Variants in MRC1 observed in about 807,000 individuals in gnomAD.
The protein encoded by MRC1 is mannose receptor C-type 1, also known as macrophage mannose receptor 1.
In MRC1, 62 loss-of-function variants were observed where a neutral mutation model predicts 102.9. That is an observed-to-expected ratio of 0.60 (90% CI 0.49 to 0.74). The LOEUF is 0.74. Among genes scored for constraint, MRC1 ranks in the 30% least tolerant of loss-of-function variants. The pLI, the probability that MRC1 is intolerant of heterozygous loss-of-function variation, is 0.00. For synonymous variants in MRC1, 457 were observed against 298.4 expected, an observed-to-expected ratio of 1.53 and a Z score of -5.48; for missense variants, 1,237 against 862.8, an observed-to-expected ratio of 1.43 and a Z score of -5.43.
chr10:17,885,824 A>G (rs1275843605), intron 22 of MRC1, among the ~76,000 whole-genome samples: 1 of 98,660 alleles, frequency 1.0e-5, no homozygotes, highest in African/African-American at 2.8e-5. Flanking sequence ...ATCATCATCC[A>G]TCATGATCAT....
chr10:17,867,559 G>A (rs1415010143), intron 12 of MRC1, among the ~76,000 whole-genome samples: 1 of 151,860 alleles, frequency 6.6e-6, no homozygotes, highest in African/African-American at 2.4e-5. Flanking sequence ...AGTAGCTACA[G>A]ATATGCACCA....
intron 1 of MRC1, among the ~76,000 whole-genome samples, chr10:17,811,719 G>A (rs940078587): frequency 6.6e-6 from 1 of 151,958 alleles, no homozygotes; most frequent in South Asian, 2.1e-4. Context: ...TTGGGCTTGA[G>A]CCACTATGCC....
intron 1 of MRC1, among the ~76,000 whole-genome samples, chr10:17,820,505 C>T (rs550186249): frequency 2.9e-4 from 44 of 152,184 alleles, no homozygotes; most frequent in Middle Eastern, 3.4e-3. Flanking sequence ...TTTTTGAACG[C>T]CTTCTCTTAA....
At chr10:17,834,843 C>G (rs2130615214) in intron 4 of MRC1, among the ~76,000 whole-genome samples, 1 of 152,292 alleles carries the variant, frequency 6.6e-6, no homozygotes, top group East Asian at 1.9e-4. Context: ...AGATTAGGAT[C>G]AGAAATTAGT....
At chr10:17,837,286 A>T (rs994878218) in intron 4 of MRC1, among the ~76,000 whole-genome samples, 1 of 152,350 alleles carries the variant, frequency 6.6e-6, no homozygotes, top group South Asian at 2.1e-4. Context: ...TGGCATCTCT[A>T]ACGAGATTTG....
Position 17,852,968 on chromosome 10 carries a change from G to C in MRC1, c.1251G>C (p.Glu417Asp). The change falls in exon 8 of 30, where the codon GAG becomes GAC. Residue 417 changes from glutamate to aspartate, a missense_variant and splice_region_variant. Transcript: ENST00000569591. ...CACTGTGTGTTTCTTCCTGTTTAGAGCCAAATGACGAATTGTGGATCGGCT... is the reference window on the plus strand; with the variant it reads ...CACTGTGTGTTTCTTCCTGTTTAGACCCAAATGACGAATTGTGGATCGGCT... ...LDFIISQLGY[E>D]PNDELWIGLN... 1 of 780,798 alleles carries C rather than the reference G, an allele frequency of 1.3e-6. No individual in the cohort carries two copies. The highest frequency in any genetic ancestry group is 1.7e-5 in the Admixed American group (1 of 59,008). 48.4% of individuals were successfully genotyped at this position (780,798 alleles called of 1,614,324 possible).
intron 22 of MRC1, among the ~76,000 whole-genome samples, chr10:17,890,797 T>A (rs1554843049): frequency 6.6e-6 from 1 of 152,180 alleles, no homozygotes; most frequent in African/African-American, 2.4e-5. Context: ...TGGGTACCAA[T>A]CCATGGCCTG....
intron 1 of MRC1, among the ~76,000 whole-genome samples, chr10:17,817,918 T>C (rs1237598893): frequency 2.0e-5 from 3 of 152,168 alleles, no homozygotes; most frequent in Admixed American, 6.5e-5. Flanking sequence ...GCAGAGATGA[T>C]GATAAAGGCA....
intron 23 of MRC1, among the ~76,000 whole-genome samples, chr10:17,894,698 C>T (rs1833730947): frequency 6.6e-6 from 1 of 152,006 alleles, no homozygotes; most frequent in Admixed American, 6.6e-5. Context: ...TGTGCCTGAC[C>T]TCACTTTTAT....
chr10:17,838,972 A>G (rs899654314), intron 4 of MRC1, among the ~76,000 whole-genome samples: 1 of 152,220 alleles, frequency 6.6e-6, no homozygotes, highest in Admixed American at 6.5e-5. Context: ...GACAACACCC[A>G]TCTGCTTTAA....
chr10:17,824,583 G>A lies in MRC1; in HGVS notation c.463+1108G>A, dbSNP rs1026534732. ...GGGCTCAGAAATAAGTTATTTTGAA[G>A]CATTTTTCAAACATAATATAGGTTT... On this transcript the variant is annotated intron_variant, in intron 2 of 29. Coordinates refer to ENST00000569591, the MANE Select transcript of MRC1 (RefSeq NM_002438.4). Among the ~76,000 whole-genome samples the A allele has an allele frequency of 5.9e-5, 9 of 152,276 alleles. No individual in the cohort carries two copies. The South Asian group carries it at 8.3e-4, about 14-fold the overall frequency.
intron 5 of MRC1, among the ~76,000 whole-genome samples, chr10:17,843,733 A>G (rs947848469): frequency 1.2e-4 from 19 of 152,312 alleles, no homozygotes; most frequent in Admixed American, 5.2e-4. Flanking sequence ...TAGTTAAATA[A>G]ACTTTAAAAA....
intron 2 of MRC1, among the ~76,000 whole-genome samples, chr10:17,825,189 A>G (rs1838455015): frequency 6.6e-6 from 1 of 152,092 alleles, no homozygotes. Context: ...GAGAGGATGT[A>G]TTGTAGGGTC....
chr10:17,826,130 T>A (rs1032587572), intron 2 of MRC1, among the ~76,000 whole-genome samples: 9 of 152,212 alleles, frequency 5.9e-5, no homozygotes, highest in African/African-American at 1.9e-4. Context: ...GCTCTTACTA[T>A]GCGCTACATG....
At chr10:17,906,812 G>A (rs993432293) in intron 26 of MRC1, 74 bp from the exon 27 acceptor site, 3 of 780,128 alleles carry the variant, frequency 3.8e-6, no homozygotes, top group Non-Finnish European at 7.2e-6. Context: ...GCTCTCAATA[G>A]CAGTGCTGTT....
Position 17,910,302 on chromosome 10 carries a change from C to T in MRC1, c.4208C>T (p.Ala1403Val). ...GTGATCCTCCTGATTTTAACGGGTG[C>T]TGGCCTTGCCGCCTATTTCTTTTAT... ...IIVILLILTG[A>V]GLAAYFFYKK... Residue 1403 changes from alanine (A) to valine (V), a missense_variant, in exon 30 of 30, where the codon GCT becomes GTT. Transcript: ENST00000569591. The T allele has an allele frequency of 1.3e-6, 1 of 780,864 alleles. No homozygotes were observed. The highest frequency in any genetic ancestry group is 2.4e-6 in the Non-Finnish European group (1 of 417,966). The allele number at this position is 780,864 out of a possible 1,614,324, so 48.4% of individuals were successfully genotyped here. A position where few individuals can be genotyped will look rare whatever the true frequency, so the allele number is the denominator to read the frequency against.
intron 1 of MRC1, among the ~76,000 whole-genome samples, chr10:17,821,038 T>C (rs2477642): frequency 0.61 from 92,485 of 151,528 alleles, 28,870 homozygotes; most frequent in African/African-American, 0.75. Flanking sequence ...GAGATTGGGA[T>C]AGGTATTGCA....
intron 11 of MRC1, 104 bp from the exon 12 acceptor site, chr10:17,866,458 T>A: frequency 1.3e-6 from 1 of 777,746 alleles, no homozygotes; most frequent in Non-Finnish European, 2.4e-6. Context: ...AGATCATAAT[T>A]GGGCATCAGA....
At chr10:17,811,801 G>A (rs1019487714) in intron 1 of MRC1, among the ~76,000 whole-genome samples, 3 of 151,758 alleles carry the variant, frequency 2.0e-5, no homozygotes, top group East Asian at 1.9e-4. Context: ...TGCTCAGGCC[G>A]ATCTCAAACT....
Sources: gnomAD v4.1 joint callset for allele counts (sites outside exome capture counted in the v4.1 genomes callset) on GRCh38, gnomAD v4.1.1 for gene constraint, MANE v1.5 for transcripts, NCBI Gene and HGNC (gene_info 2026-07-23, HGNC 2026-07-21) for gene names.